Variants in MYRIP observed in about 807,000 individuals in gnomAD.
The protein encoded by MYRIP is myosin VIIA and Rab interacting protein.
MYRIP carries 49 observed loss-of-function variants against 98.0 expected under a neutral mutation model. The observed-to-expected ratio is 0.50, with a 90% confidence interval of 0.40 to 0.63. MYRIP has a LOEUF of 0.63. Among genes scored for constraint, MYRIP ranks in the 30% least tolerant of loss-of-function variants. MYRIP has a pLI of 0.00. For synonymous variants in MYRIP, 404 were observed against 409.5 expected, an observed-to-expected ratio of 0.99 and a Z score of 0.16; for missense variants, 1,004 against 1,058.2, an observed-to-expected ratio of 0.95 and a Z score of 0.71.
intron 1 of MYRIP, among the ~76,000 whole-genome samples, chr3:39,823,235 G>C (rs1941166874): frequency 6.6e-6 from 1 of 152,030 alleles, no homozygotes; most frequent in Non-Finnish European, 1.5e-5. Flanking sequence ...CCCCAGACTG[G>C]TCTTCTGACT....
At chr3:40,125,752 C>T (rs911815554) in intron 3 of MYRIP, among the ~76,000 whole-genome samples, 1 of 152,146 alleles carries the variant, frequency 6.6e-6, no homozygotes, top group East Asian at 1.9e-4. Context: ...ATCACACACA[C>T]GTCTTCTCAC....
At chr3:40,065,925 C>T (rs1186297515) in intron 3 of MYRIP, among the ~76,000 whole-genome samples, 2 of 152,126 alleles carry the variant, frequency 1.3e-5, no homozygotes, top group Non-Finnish European at 2.9e-5. Flanking sequence ...GTTTCTCAGT[C>T]CACCAACTGT....
intron 1 of MYRIP, among the ~76,000 whole-genome samples, chr3:39,823,823 A>G (rs1941187362): frequency 6.6e-6 from 1 of 151,690 alleles, no homozygotes; most frequent in Non-Finnish European, 1.5e-5. Context: ...TTTATTATGT[A>G]TTGTTTCCTT....
intron 2 of MYRIP, among the ~76,000 whole-genome samples, chr3:39,955,811 C>T (rs1173813220): frequency 6.6e-6 from 1 of 151,392 alleles, no homozygotes; most frequent in Non-Finnish European, 1.5e-5. Flanking sequence ...CACATAGGCT[C>T]AAAATAAAGG....
chr3:39,959,651 AC>A (rs1317942125), intron 2 of MYRIP, among the ~76,000 whole-genome samples: 1 of 150,712 alleles, frequency 6.6e-6, no homozygotes, highest in East Asian at 1.9e-4. Flanking sequence ...GTGCACATGT[AC>A]CCTAGTACTT....
chr3:40,026,147 C>A (rs891195839), intron 2 of MYRIP, among the ~76,000 whole-genome samples: 7 of 152,072 alleles, frequency 4.6e-5, no homozygotes, highest in African/African-American at 1.4e-4. Context: ...GACCTCCCCC[C>A]AGGAATGCAA....
chr3:40,195,359 A>C (rs1316809531), intron 10 of MYRIP, among the ~76,000 whole-genome samples: 1 of 152,140 alleles, frequency 6.6e-6, no homozygotes, highest in Non-Finnish European at 1.5e-5. Flanking sequence ...GCAGTGGCAC[A>C]ACGGCTCACT....
chr3:40,224,595 G>C (rs1028435937), intron 11 of MYRIP, among the ~76,000 whole-genome samples: 1 of 152,060 alleles, frequency 6.6e-6, no homozygotes, highest in Non-Finnish European at 1.5e-5. Context: ...TACCATCAAA[G>C]AAGAACAAGA....
At chr3:40,223,232 C>A (rs1372949958) in intron 11 of MYRIP, among the ~76,000 whole-genome samples, 1 of 128,602 alleles carries the variant, frequency 7.8e-6, no homozygotes, top group Admixed American at 8.8e-5. Flanking sequence ...CAAAAAGAGT[C>A]TAAAAATCAA....
chr3:40,215,533 C>G (rs1257199695), intron 11 of MYRIP, among the ~76,000 whole-genome samples: 1 of 152,066 alleles, frequency 6.6e-6, no homozygotes, highest in Non-Finnish European at 1.5e-5. Flanking sequence ...GTGAAGGAAG[C>G]AGATTTATTG....
At chr3:39,980,394 G>A (rs941512927) in intron 2 of MYRIP, among the ~76,000 whole-genome samples, 6 of 152,220 alleles carry the variant, frequency 3.9e-5, no homozygotes, top group Non-Finnish European at 5.9e-5. Flanking sequence ...AAGGCCAAAG[G>A]CAGTTTTCCA....
intron 1 of MYRIP, among the ~76,000 whole-genome samples, chr3:39,876,572 A>G (rs1345257120): frequency 3.3e-5 from 5 of 151,742 alleles, no homozygotes; most frequent in African/African-American, 1.2e-4. Context: ...GCTTGTCTGT[A>G]AAGGATTTTA....
At chr3:39,947,220 C>A (rs1331203660) in intron 2 of MYRIP, among the ~76,000 whole-genome samples, 1 of 151,826 alleles carries the variant, frequency 6.6e-6, no homozygotes, top group Admixed American at 6.6e-5. Context: ...GCATAGCAAT[C>A]ATTAAACTAG....
chr3:39,983,545 C>CTATT (rs1475598636), intron 2 of MYRIP, among the ~76,000 whole-genome samples: 1 of 152,158 alleles, frequency 6.6e-6, no homozygotes, highest in Non-Finnish European at 1.5e-5. Flanking sequence ...TTGATCTATT[C>CTATT]TATTTACTTA....
At chr3:39,860,811 T>C (rs954171071) in intron 1 of MYRIP, among the ~76,000 whole-genome samples, 1 of 152,218 alleles carries the variant, frequency 6.6e-6, no homozygotes, top group African/African-American at 2.4e-5. Context: ...TGGGTTGACC[T>C]TGCCTTCCTT....
At chr3:39,877,755 G>T (rs1247388067) in intron 1 of MYRIP, among the ~76,000 whole-genome samples, 3 of 151,984 alleles carry the variant, frequency 2.0e-5, no homozygotes, top group East Asian at 3.9e-4. Context: ...TGCCCCTACT[G>T]GGGGGTACCT....
intron 12 of MYRIP, among the ~76,000 whole-genome samples, chr3:40,234,856 T>A (rs560147243): frequency 4.0e-4 from 61 of 152,064 alleles, no homozygotes; most frequent in Middle Eastern, 3.4e-3. Flanking sequence ...TAGCTGGGTG[T>A]CATGGCAGGC....
chr3:40,045,095 C>G (rs1947642975), intron 3 of MYRIP, among the ~76,000 whole-genome samples: 1 of 152,108 alleles, frequency 6.6e-6, no homozygotes, highest in African/African-American at 2.4e-5. Flanking sequence ...ATGAGCAGGT[C>G]CTGGGAGCAC....
intron 11 of MYRIP, among the ~76,000 whole-genome samples, chr3:40,230,760 G>T (rs1166645383): frequency 6.6e-6 from 1 of 152,018 alleles, no homozygotes; most frequent in Non-Finnish European, 1.5e-5. Flanking sequence ...GCAAAATGGG[G>T]ACATCAACCA....
Sources: gnomAD v4.1 joint callset for allele counts (sites outside exome capture counted in the v4.1 genomes callset) on GRCh38, gnomAD v4.1.1 for gene constraint, MANE v1.5 for transcripts, NCBI Gene and HGNC (gene_info 2026-07-23, HGNC 2026-07-21) for gene names.